GCNT1: variants seen among roughly 807,000 people sequenced by gnomAD.
GCNT1 encodes glucosaminyl (N-acetyl) transferase 1, also known as beta-1,3-galactosyl-O-glycosyl-glycoprotein beta-1,6-N-acetylglucosaminyltransferase.
In GCNT1, 16 loss-of-function variants were observed where a neutral mutation model predicts 26.2. The observed-to-expected ratio is 0.61, with a 90% CI of 0.41 to 0.93. The LOEUF (loss-of-function observed/expected upper bound fraction) is 0.93. Ranked by LOEUF, GCNT1 falls within the 40% of genes least tolerant of loss-of-function variation. The probability of loss-of-function intolerance (pLI) is 0.00; values close to 1 mark genes in which losing one functional copy is unlikely to be tolerated. For missense variants in GCNT1, 477 were observed against 526.7 expected (o/e 0.91, Z 0.92); for synonymous variants, 183 against 190.8 (o/e 0.96, Z 0.34).
chr9:76,478,237 T>A (rs1393272574), intron 2 of GCNT1, among the ~76,000 whole-genome samples: 1 of 152,200 alleles, frequency 6.6e-6, no homozygotes. Flanking sequence ...TTGCTGTTGG[T>A]CACTCTTTGC....
intron 2 of GCNT1, among the ~76,000 whole-genome samples, chr9:76,496,046 C>T (rs1485115421): frequency 2.0e-5 from 3 of 152,140 alleles, no homozygotes; most frequent in African/African-American, 7.2e-5. Context: ...AAAACTCCTG[C>T]CCTGGGCTGA....
At chr9:76,436,508 C>T (rs1823411251) in intron 1 of GCNT1, among the ~76,000 whole-genome samples, 1 of 147,634 alleles carries the variant, frequency 6.8e-6, no homozygotes, top group South Asian at 2.2e-4. Flanking sequence ...AAAAGAATCA[C>T]TTGACCCTGG....
the GCNT1 span, among the ~76,000 whole-genome samples, chr9:76,401,844 A>G: frequency 6.6e-6 from 1 of 152,184 alleles, no homozygotes; most frequent in Non-Finnish European, 1.5e-5. Flanking sequence ...GCAGTGAGCC[A>G]TGATCATGCC....
chr9:76,429,830 T>C (rs190213688), intron 1 of GCNT1, among the ~76,000 whole-genome samples: 1 of 150,454 alleles, frequency 6.6e-6, no homozygotes, highest in East Asian at 2.0e-4. Context: ...TCCTCCTGCC[T>C]CAGCCTCCTG....
At chr9:76,443,322 T>G (rs925489947) in intron 1 of GCNT1, among the ~76,000 whole-genome samples, 2 of 152,206 alleles carry the variant, frequency 1.3e-5, no homozygotes, top group Non-Finnish European at 2.9e-5. Context: ...CTGAGAGCCC[T>G]GAACAGAGAT....
At chr9:76,403,000 G>C in the GCNT1 span, among the ~76,000 whole-genome samples, 1 of 152,016 alleles carries the variant, frequency 6.6e-6, no homozygotes, top group Non-Finnish European at 1.5e-5. Flanking sequence ...TAAATACACC[G>C]CACATATGGA....
chr9:76,427,951 C>G (rs1032499274), intron 1 of GCNT1, among the ~76,000 whole-genome samples: 6 of 151,972 alleles, frequency 3.9e-5, no homozygotes, highest in African/African-American at 1.5e-4. Context: ...CACTGTAATC[C>G]AGACTGGGCA....
chr9:76,404,250 A>G, the GCNT1 span, among the ~76,000 whole-genome samples: 48 of 152,116 alleles, frequency 3.2e-4, no homozygotes, highest in African/African-American at 1.1e-3. Context: ...TCTCACAATG[A>G]TGATATAAAA....
At chr9:76,439,411 G>A (rs1410999841), upstream of GCNT1, among the ~76,000 whole-genome samples, 1 of 152,014 alleles carries the variant, frequency 6.6e-6, no homozygotes, top group African/African-American at 2.4e-5. Context: ...TTCTAGTAGA[G>A]ATGGGGCTTC....
At chr9:76,476,624 C>A (rs1160164891) in intron 2 of GCNT1, among the ~76,000 whole-genome samples, 2 of 152,044 alleles carry the variant, frequency 1.3e-5, no homozygotes, top group Non-Finnish European at 1.5e-5. Context: ...TCAAAGTCAG[C>A]CTCTGCAAAT....
intron 2 of GCNT1, among the ~76,000 whole-genome samples, chr9:76,494,115 T>C (rs560997545): frequency 6.6e-6 from 1 of 151,184 alleles, no homozygotes; most frequent in Non-Finnish European, 1.5e-5. Context: ...ACCCTGCTGA[T>C]TGGAATAGTT....
At chr9:76,488,822 T>A (rs1483792396) in intron 2 of GCNT1, among the ~76,000 whole-genome samples, 1 of 152,230 alleles carries the variant, frequency 6.6e-6, no homozygotes. Flanking sequence ...ATTTTTGCTA[T>A]CATGTTAATA....
chr9:76,401,805 G>T, the GCNT1 span, among the ~76,000 whole-genome samples: 1 of 152,148 alleles, frequency 6.6e-6, no homozygotes, highest in Non-Finnish European at 1.5e-5. Context: ...TGAGGCCAGA[G>T]GATCCCTTGA....
At chr9:76,420,610 A>G (rs1230886178) in intron 1 of GCNT1, 2 of 152,154 alleles carry the variant, frequency 1.3e-5, no homozygotes, top group Non-Finnish European at 1.5e-5. Flanking sequence ...ACATCCAGCT[A>G]GCATGCTACA....
At chr9:76,450,176 A>G (rs113393012) in intron 1 of GCNT1, among the ~76,000 whole-genome samples, 3 of 152,298 alleles carry the variant, frequency 2.0e-5, no homozygotes, top group African/African-American at 7.2e-5. Context: ...CTATGAAAAT[A>G]CCAGTTTTGT....
chr9:76,466,072 A>C (rs960493623), intron 2 of GCNT1, among the ~76,000 whole-genome samples: 3 of 152,168 alleles, frequency 2.0e-5, no homozygotes, highest in Admixed American at 6.6e-5. Context: ...TGTTGCATGT[A>C]AGTATTACTG....
Position 76,506,112 on chromosome 9 carries a change from C to T in GCNT1, c.*2444C>T, listed in dbSNP as rs1421966142. The T allele has an allele frequency of 1.8e-5, 3 of 166,858 alleles. No homozygotes were observed. The highest frequency in any genetic ancestry group is 2.9e-5 in the Non-Finnish European group (2 of 68,094). The allele number at this position is 166,858 out of a possible 1,614,324, so 10.3% of individuals were successfully genotyped here. On this transcript the variant is annotated 3_prime_UTR_variant, in exon 4 of 4. Transcript: ENST00000376730. ...TGACAAGAAATTTAAAGAATCAAAA[C>T]GATGGTTTGAAAAGGAAACCTATGA... is the stretch of plus-strand genomic sequence containing the variant.
chr9:76,495,352 G>A (rs1055711033), intron 2 of GCNT1, among the ~76,000 whole-genome samples: 4 of 152,152 alleles, frequency 2.6e-5, no homozygotes, highest in East Asian at 1.9e-4. Flanking sequence ...GAGTGAAGCC[G>A]CAGACCTTTG....
the GCNT1 span, among the ~76,000 whole-genome samples, chr9:76,414,739 C>T: frequency 3.0e-4 from 46 of 152,196 alleles, no homozygotes; most frequent in Admixed American, 1.5e-3. Context: ...TGCATTATAA[C>T]GAACATATAA....
Sources: allele counts gnomAD v4.1 joint callset (sites outside exome capture counted in the v4.1 genomes callset), GRCh38; gene constraint gnomAD v4.1.1; transcripts MANE v1.5; gene names NCBI Gene and HGNC (gene_info 2026-07-23, HGNC 2026-07-21).